Variants in MDGA2 observed in about 807,000 individuals in gnomAD.
MDGA2 encodes the protein MAM domain-containing glycosylphosphatidylinositol anchor protein 2.
In MDGA2, 40 loss-of-function variants were observed where a neutral mutation model predicts 117.8. The ratio of observed to expected loss-of-function variants is 0.34; its 90% CI spans 0.26 to 0.44. The LOEUF is 0.44. Ranked by LOEUF, MDGA2 falls within the 20% of genes least tolerant of loss-of-function variation. MDGA2 has a pLI of 1.00. For missense variants in MDGA2, 1,123 were observed against 1,250.6 expected (o/e 0.90, Z 1.54); for synonymous variants, 452 against 439.0 (o/e 1.03, Z -0.37).
intron 1 of MDGA2, among the ~76,000 whole-genome samples, chr14:47,531,623 T>G (rs1895103246): frequency 6.6e-6 from 1 of 150,904 alleles, no homozygotes. Context: ...GAGCATAGCA[T>G]GTTCACTGTT....
At chr14:47,066,050 A>G (rs1227025922) in intron 6 of MDGA2, among the ~76,000 whole-genome samples, 1 of 152,208 alleles carries the variant, frequency 6.6e-6, no homozygotes, top group Non-Finnish European at 1.5e-5. Context: ...TTCCTGACCC[A>G]CTGAATGCCA....
At chr14:46,967,384 T>C (rs938653638) in intron 8 of MDGA2, among the ~76,000 whole-genome samples, 3 of 152,140 alleles carry the variant, frequency 2.0e-5, no homozygotes, top group Non-Finnish European at 4.4e-5. Context: ...GGGATTAAAG[T>C]CATTTAAGGA....
At chr14:46,866,399 G>C (rs1289082012) in intron 14 of MDGA2, among the ~76,000 whole-genome samples, 4 of 152,104 alleles carry the variant, frequency 2.6e-5, no homozygotes, top group African/African-American at 9.7e-5. Flanking sequence ...ATTAAAGATG[G>C]ATTAAAGACT....
chr14:47,309,797 AT>A (rs1482794338), intron 1 of MDGA2, among the ~76,000 whole-genome samples: 3 of 152,118 alleles, frequency 2.0e-5, no homozygotes, highest in Non-Finnish European at 4.4e-5. Flanking sequence ...ATGGTATACT[AT>A]TTTGAAAGAC....
chr14:47,487,872 T>C (rs1053392046), intron 1 of MDGA2, among the ~76,000 whole-genome samples: 3 of 152,164 alleles, frequency 2.0e-5, no homozygotes, highest in Non-Finnish European at 4.4e-5. Flanking sequence ...AGTCTATATT[T>C]ATGTGGCTTT....
intron 1 of MDGA2, among the ~76,000 whole-genome samples, chr14:47,633,988 T>A (rs72673206): frequency 2.0e-5 from 3 of 152,078 alleles, no homozygotes; most frequent in Non-Finnish European, 4.4e-5. Flanking sequence ...TTTCCTAGGA[T>A]GAAGTACAGA....
Position 47,023,204 on chromosome 14 carries a change from A to AAAAAAAAAAAG in MDGA2, c.1819+11806_1819+11807insCTTTTTTTTTT, listed in dbSNP as rs1207270540. The stretch of plus-strand genomic sequence containing the variant: ...CCGAAAGTATTCCCACTCGTAAAAA[A>AAAAAAAAAAAG]AAAAAAAAAAAAAGAAAAAGAAAGA... On this transcript the variant is annotated intron_variant, in intron 8 of 16. Coordinates refer to ENST00000399232, the MANE Select transcript of MDGA2 (RefSeq NM_001113498.3). Among the ~76,000 whole-genome samples the AAAAAAAAAAAG allele has an allele frequency of 3.0e-4, 45 of 150,880 alleles. No homozygotes were observed. The South Asian group carries it at 5.6e-3, about 19-fold the overall frequency.
At chr14:47,537,708 CT>C (rs1895253401) in intron 1 of MDGA2, among the ~76,000 whole-genome samples, 2 of 150,088 alleles carry the variant, frequency 1.3e-5, no homozygotes, top group South Asian at 4.3e-4. Context: ...CTAAACCAAC[CT>C]TTGTTTACAC....
chr14:46,936,864 T>A (rs1284984065), intron 9 of MDGA2, among the ~76,000 whole-genome samples: 1 of 152,048 alleles, frequency 6.6e-6, no homozygotes, highest in Non-Finnish European at 1.5e-5. Context: ...CTAAACATGT[T>A]TTTTTCAAAG....
intron 2 of MDGA2, among the ~76,000 whole-genome samples, chr14:47,219,668 G>T (rs1447048041): frequency 6.6e-6 from 1 of 151,914 alleles, no homozygotes; most frequent in Non-Finnish European, 1.5e-5. Flanking sequence ...CATTGGAAAT[G>T]ATATAAATGC....
intron 7 of MDGA2, among the ~76,000 whole-genome samples, chr14:47,056,674 G>A (rs1358118345): frequency 6.6e-6 from 1 of 152,122 alleles, no homozygotes; most frequent in African/African-American, 2.4e-5. Flanking sequence ...AAAGAAATAA[G>A]TGCAAGCTAA....
At chr14:47,004,414 C>G (rs1386571638) in intron 8 of MDGA2, among the ~76,000 whole-genome samples, 1 of 151,584 alleles carries the variant, frequency 6.6e-6, no homozygotes, top group East Asian at 1.9e-4. Flanking sequence ...ATTTATGGAT[C>G]TCTATTCTGT....
intron 1 of MDGA2, among the ~76,000 whole-genome samples, chr14:47,415,792 C>T (rs1892463867): frequency 6.6e-6 from 1 of 152,094 alleles, no homozygotes; most frequent in African/African-American, 2.4e-5. Flanking sequence ...AGGGCCTCCT[C>T]CAGGCTGCAG....
intron 8 of MDGA2, 23 bp from the exon 9 acceptor site, chr14:46,957,666 C>A (rs1885617495): frequency 6.2e-7 from 1 of 1,612,138 alleles, no homozygotes. Flanking sequence ...TATGTAAAAA[C>A]AGATGAAAGA....
In MDGA2 at chr14:47,232,567, A is replaced by G. The variant is rs114748255; in HGVS notation, c.421-14372T>C. ...CTCCCTTCACTCTCCACCAACCTCA[A>G]TGAGGTTCACCTTGAAAGCCAGGCC... On this transcript the variant is annotated intron_variant, in intron 2 of 16. Coordinates refer to ENST00000399232, the MANE Select transcript of MDGA2 (RefSeq NM_001113498.3). Among the ~76,000 whole-genome samples the G allele has an allele frequency of 2.4e-3, 365 of 152,188 alleles. 1 individual carries two copies. Among genetic ancestry groups the G allele is most frequent in the African/African-American group, 8.3e-3 (346 of 41,570 alleles).
chr14:47,027,247 C>A (rs910616585), intron 8 of MDGA2, among the ~76,000 whole-genome samples: 4 of 151,810 alleles, frequency 2.6e-5, no homozygotes, highest in Non-Finnish European at 1.5e-5. Flanking sequence ...ATCCTTACGG[C>A]CTTATGGTAT....
chr14:46,890,052 T>C (rs1004302448), intron 10 of MDGA2, among the ~76,000 whole-genome samples: 15 of 152,050 alleles, frequency 9.9e-5, no homozygotes, highest in African/African-American at 3.6e-4. Flanking sequence ...TGTATTTGCT[T>C]TGGGAATTGC....
chr14:47,126,302 T>A (rs1479703039), intron 5 of MDGA2, among the ~76,000 whole-genome samples: 1 of 152,076 alleles, frequency 6.6e-6, no homozygotes. Flanking sequence ...TAGACCCTCC[T>A]AAGCACTGTG....
chr14:47,193,539 T>C (rs541223990), intron 3 of MDGA2, among the ~76,000 whole-genome samples: 23 of 152,272 alleles, frequency 1.5e-4, no homozygotes, highest in African/African-American at 5.3e-4. Context: ...GATCTCTCAA[T>C]GTATATAAGT....
Sources: gnomAD v4.1 joint callset for allele counts (sites outside exome capture counted in the v4.1 genomes callset) on GRCh38, gnomAD v4.1.1 for gene constraint, MANE v1.5 for transcripts, NCBI Gene and HGNC (gene_info 2026-07-23, HGNC 2026-07-21) for gene names.